UBE2O: variants seen among roughly 807,000 people sequenced by gnomAD.
UBE2O encodes the protein ubiquitin conjugating enzyme E2 O.
UBE2O carries 15 observed loss-of-function variants against 125.8 expected under a neutral mutation model. The observed-to-expected ratio is 0.12, with a 90% CI of 0.08 to 0.18. UBE2O has a LOEUF of 0.18. Ranked by LOEUF, UBE2O falls within the 10% of genes least tolerant of loss-of-function variation. The pLI, the probability that UBE2O is intolerant of heterozygous loss-of-function variation, is 1.00. For missense variants in UBE2O, 1,280 were observed against 1,723.6 expected, an observed-to-expected ratio of 0.74 and a Z score of 4.56; for synonymous variants, 708 against 703.2, an observed-to-expected ratio of 1.01 and a Z score of -0.11.
intron 1 of UBE2O, among the ~76,000 whole-genome samples, chr17:76,441,449 C>T (rs959065276): frequency 6.6e-6 from 1 of 152,198 alleles, no homozygotes; most frequent in Non-Finnish European, 1.5e-5. Flanking sequence ...TTTCCTGCCC[C>T]TCCTGCAGCC....
intron 1 of UBE2O, among the ~76,000 whole-genome samples, chr17:76,413,930 GC>G (rs1226032108): frequency 6.6e-6 from 1 of 152,210 alleles, no homozygotes; most frequent in Admixed American, 6.5e-5. Context: ...TCCTCTTCCA[GC>G]TTCTTCCTAA....
intron 1 of UBE2O, among the ~76,000 whole-genome samples, chr17:76,415,975 G>A (rs182070346): frequency 9.9e-5 from 15 of 151,470 alleles, no homozygotes; most frequent in East Asian, 1.9e-4. Context: ...ATACGTATGC[G>A]TATACATATG....
rs1382185870 is a variant in UBE2O, at chr17:76,410,968, A to G, written c.418-5396T>C. On this transcript the variant is annotated intron_variant, in intron 1 of 17. Coordinates refer to ENST00000319380, the MANE Select transcript of UBE2O (RefSeq NM_022066.4). The surrounding 1 kb of genome is among the most constrained non-coding windows in gnomAD (Gnocchi z 4.0). The stretch of plus-strand genomic sequence containing the variant: ...AGTGATCCAGGAATAGAAAACACAA[A>G]CTGAGGCTGATCAACATGTTGAAAA... Among the ~76,000 whole-genome samples, 7 of 148,840 alleles carry G rather than the reference A, an allele frequency of 4.7e-5. No homozygotes were observed.
rs534082937 is a variant in UBE2O at position 76,416,003 on chromosome 17, GTA to G, written c.418-10433_418-10432del. Among the ~76,000 whole-genome samples the G allele has an allele frequency of 6.6e-4, 95 of 144,046 alleles. 1 individual carries two copies. The highest frequency in any genetic ancestry group is 7.3e-3 in the Middle Eastern group (2 of 274). 94.5% of individuals were successfully genotyped at this position (144,046 alleles called of 152,430 possible). ...TACATATGCACATACACGTATATAC[GTA>G]TGTGTATACATATGTACACACACGT... On this transcript the variant is annotated intron_variant, in intron 1 of 17. Coordinates refer to ENST00000319380, the MANE Select transcript of UBE2O (RefSeq NM_022066.4).
rs1174938189 is a variant in UBE2O, at chr17:76,395,428, G to A, written c.2946+297C>T. On this transcript the variant is annotated intron_variant, in intron 15 of 17. Coordinates refer to ENST00000319380, the MANE Select transcript of UBE2O (RefSeq NM_022066.4). The surrounding 1 kb of genome is among the most constrained non-coding windows in gnomAD (Gnocchi z 5.0). ...AGGATGGTCTCGATCTCCTGACCTC[G>A]TGATCCACCCACCTCGGCCTCCCAA... 3.4e-5 allele frequency: 8 copies of A among 233,054 alleles called. No individual in the cohort carries two copies. Among genetic ancestry groups the A allele is most frequent in the Middle Eastern group, 1.4e-3 (1 of 706 alleles). 14.4% of individuals were successfully genotyped at this position (233,054 alleles called of 1,614,324 possible). A position where few individuals can be genotyped will look rare whatever the true frequency, so the allele number is the denominator to read the frequency against.
In UBE2O at chr17:76,396,638, C is replaced by T; in HGVS notation, c.2299G>A (p.Val767Met). The change falls in exon 14 of 18, where the codon GTG (valine) becomes ATG (methionine). Residue 767 changes from valine (V) to methionine (M), a missense_variant. By Grantham distance (21) the Val-to-Met change is conservative. This residue lies in a region of UBE2O where 210 missense variants were observed against 268.9 expected (regional missense o/e 0.78). Transcript: ENST00000319380. The surrounding 1 kb of genome is among the most constrained non-coding windows in gnomAD (Gnocchi z 6.7). ...EPPIPPLEQP[V>M]APEDKGVVIS... Reference sequence around the variant, plus strand: ...ACCACTCCCTTGTCCTCAGGGGCCACCGGCTGCTCCAGGGGTGGGATGGGG... The same window carrying T: ...ACCACTCCCTTGTCCTCAGGGGCCATCGGCTGCTCCAGGGGTGGGATGGGG... The T allele has an allele frequency of 6.2e-7, 1 of 1,613,428 alleles. No homozygotes were observed. Among genetic ancestry groups the T allele is most frequent in the South Asian group, 1.1e-5 (1 of 91,026 alleles).
chr17:76,435,812 G>C (rs929488183), intron 1 of UBE2O, among the ~76,000 whole-genome samples: 21 of 152,200 alleles, frequency 1.4e-4, no homozygotes, highest in African/African-American at 5.1e-4. Flanking sequence ...CGACAGACCA[G>C]CCTGTCCCGC....
At chr17:76,421,536 T>C (rs1458223385) in intron 1 of UBE2O, among the ~76,000 whole-genome samples, 3 of 152,194 alleles carry the variant, frequency 2.0e-5, no homozygotes, top group Non-Finnish European at 4.4e-5. Context: ...CAACTAATTT[T>C]GTATTTTTAG....
chr17:76,421,178 ACT>A (rs1399340521), intron 1 of UBE2O, among the ~76,000 whole-genome samples: 1 of 152,048 alleles, frequency 6.6e-6, no homozygotes, highest in Non-Finnish European at 1.5e-5. Context: ...GAAATGGGAA[ACT>A]CACAGCTACA....
chr17:76,411,662 G>T (rs2072518749), intron 1 of UBE2O, among the ~76,000 whole-genome samples: 1 of 152,152 alleles, frequency 6.6e-6, no homozygotes, highest in Admixed American at 6.5e-5. Context: ...GCTTCTGGAG[G>T]TTAGTGATGT....
chr17:76,405,833 G>T lies in UBE2O; in HGVS notation c.418-261C>A, dbSNP rs1419526357. On this transcript the variant is annotated intron_variant, in intron 1 of 17. Coordinates refer to ENST00000319380, the MANE Select transcript of UBE2O (RefSeq NM_022066.4). This position sits in a 1 kb window ranked among gnomAD's most constrained non-coding sequence, Gnocchi z 6.1. The stretch of plus-strand genomic sequence containing the variant: ...ACCAGAGGCACTTGGCTTGCCGGAG[G>T]TAGCCTTCCTCACACTGAACAGTGC... 6.6e-6 allele frequency among the ~76,000 whole-genome samples: 1 copy of T among 152,204 alleles called. No individual in the cohort carries two copies. The highest frequency in any genetic ancestry group is 2.4e-5 in the African/African-American group (1 of 41,444).
At chr17:76,414,555 C>G (rs1438399779) in intron 1 of UBE2O, among the ~76,000 whole-genome samples, 1 of 152,246 alleles carries the variant, frequency 6.6e-6, no homozygotes, top group Non-Finnish European at 1.5e-5. Flanking sequence ...CCCTGACACC[C>G]TCTCTGATCT....
chr17:76,452,101 C>G lies in UBE2O; in HGVS notation c.417+624G>C, dbSNP rs375729911. On this transcript the variant is annotated intron_variant, in intron 1 of 17. Transcript: ENST00000319380. The surrounding 1 kb of genome is among the most constrained non-coding windows in gnomAD (Gnocchi z 4.4). ...GTCGCAGCTGTCAGAATCCTCCCCC[C>G]CAAGTACTATTCATACCGGGGCTCT... is the stretch of plus-strand genomic sequence containing the variant. 1.4e-4 allele frequency among the ~76,000 whole-genome samples: 21 copies of G among 152,050 alleles called. No homozygotes were observed. The highest frequency in any genetic ancestry group is 4.4e-4 in the African/African-American group (18 of 41,368).
At chr17:76,449,152 T>G (rs1222329493) in intron 1 of UBE2O, among the ~76,000 whole-genome samples, 1 of 152,274 alleles carries the variant, frequency 6.6e-6, no homozygotes, top group Non-Finnish European at 1.5e-5. Context: ...CATCTCTCTT[T>G]GTAAATTTGT....
rs2072496196 is a variant in UBE2O at position 76,410,474 on chromosome 17, G to A, written c.418-4902C>T. Among the ~76,000 whole-genome samples the A allele has an allele frequency of 6.6e-6, 1 of 152,120 alleles. No homozygotes were observed. The highest frequency in any genetic ancestry group is 1.5e-5 in the Non-Finnish European group (1 of 68,024). On this transcript the variant is annotated intron_variant, in intron 1 of 17. Coordinates refer to ENST00000319380, the MANE Select transcript of UBE2O (RefSeq NM_022066.4). The surrounding 1 kb of genome is among the most constrained non-coding windows in gnomAD (Gnocchi z 4.0). ...GAAGAATGGCGTGGCCAACGCACCC[G>A]CAGTGCCACAGCTGAGAAGCCCTGA...
At chr17:76,449,443 C>T (rs917140706) in intron 1 of UBE2O, among the ~76,000 whole-genome samples, 7 of 152,196 alleles carry the variant, frequency 4.6e-5, no homozygotes, top group African/African-American at 1.4e-4. Context: ...GGTGTGATGG[C>T]GCATGCCCAT....
chr17:76,392,105 G>A lies in UBE2O; in HGVS notation c.2955C>T (p.Phe985=). Residue 985 remains phenylalanine, a synonymous_variant, in exon 16 of 18, where the codon TTC becomes TTT. Transcript: ENST00000319380. ...GAGTGGGGCCCTTGATGAGAGCTGA[G>A]AAGAGGTCCTAGGTAGGGAGGGAGG... is the stretch of plus-strand genomic sequence containing the variant. ...VKTFEDRMDL[F]SALIKGPTRT... is the part of the protein sequence containing the mutation. 1 of 637,884 alleles carries A rather than the reference G, an allele frequency of 1.6e-6. No homozygotes were observed. The highest frequency in any genetic ancestry group is 3.0e-5 in the Admixed American group (1 of 32,886). The allele number at this position is 637,884 out of a possible 1,614,324, so 39.5% of individuals were successfully genotyped here.
Position 76,391,981 on chromosome 17 carries a change from C to T in UBE2O, c.3079G>A (p.Gly1027Ser). ...TCATACAGGTTGGGGTTCAGGCGGC[C>T]ACTGCATTGGGAGAGGTAGCAGAAG... is the stretch of plus-strand genomic sequence containing the variant. ...PHFCYLSQCSGRLNPNLYDNG... is the reference protein window; with the variant it reads ...PHFCYLSQCSSRLNPNLYDNG... Residue 1027 changes from glycine (G) to serine (S), a missense_variant, in exon 16 of 18, where the codon GGC becomes AGC. By Grantham distance (56) the Gly-to-Ser change is moderately conservative (BLOSUM62 0). Around this residue, in one of 10 missense-constraint regions of UBE2O, gnomAD observed 37 missense variants for 115.6 expected, o/e 0.32. Coordinates refer to ENST00000319380, the MANE Select transcript of UBE2O (RefSeq NM_022066.4). The surrounding 1 kb of genome is among the most constrained non-coding windows in gnomAD (Gnocchi z 8.4). 1 of 1,607,144 alleles carries T rather than the reference C, an allele frequency of 6.2e-7. No homozygotes were observed. Among genetic ancestry groups the T allele is most frequent in the Non-Finnish European group, 8.5e-7 (1 of 1,177,716 alleles).
intron 1 of UBE2O, among the ~76,000 whole-genome samples, chr17:76,445,693 G>A (rs2073139952): frequency 1.3e-5 from 2 of 152,176 alleles, no homozygotes; most frequent in Admixed American, 6.6e-5. Context: ...ATGAAACAAA[G>A]GCAAATAACT....
Sources: allele counts gnomAD v4.1 joint callset (sites outside exome capture counted in the v4.1 genomes callset), GRCh38; gene constraint gnomAD v4.1.1; regional missense constraint gnomAD v4.1.1; non-coding constraint Gnocchi (gnomAD v3.1); transcripts MANE v1.5; gene names NCBI Gene and HGNC (gene_info 2026-07-23, HGNC 2026-07-21).